The following HDAC9 variants were observed in gnomAD, a reference collection of about 807,000 sequenced individuals.
The protein encoded by HDAC9 is histone deacetylase 9.
A neutral mutation model predicts 139.4 loss-of-function variants in HDAC9; 41 were observed. That is an observed-to-expected ratio of 0.29 (90% CI 0.23 to 0.38). The LOEUF is 0.38. HDAC9 is among the 10% of genes least tolerant of loss of function. The pLI, the probability that HDAC9 is intolerant of heterozygous loss-of-function variation, is 1.00. For missense variants in HDAC9, 1,147 were observed against 1,297.0 expected, an observed-to-expected ratio of 0.88 and a Z score of 1.78; for synonymous variants, 517 against 476.2, an observed-to-expected ratio of 1.09 and a Z score of -1.12.
intron 6 of HDAC9, among the ~76,000 whole-genome samples, chr7:18,594,761 T>C (rs984383586): frequency 1.3e-5 from 2 of 152,120 alleles, no homozygotes; most frequent in African/African-American, 4.8e-5. Context: ...GATATACATA[T>C]AAATAGCATT....
chr7:18,317,867 G>A (rs540511556), intron 1 of HDAC9, among the ~76,000 whole-genome samples: 6 of 152,262 alleles, frequency 3.9e-5, no homozygotes, highest in African/African-American at 1.4e-4. Context: ...ACAGAAATCC[G>A]TGTTGCCAAA....
intron 2 of HDAC9, among the ~76,000 whole-genome samples, chr7:18,536,779 A>T (rs1187819293): frequency 6.6e-6 from 1 of 152,218 alleles, no homozygotes; most frequent in South Asian, 2.1e-4. Flanking sequence ...ATTGTATACA[A>T]CAAAAATCCT....
intron 16 of HDAC9, among the ~76,000 whole-genome samples, chr7:18,784,030 TC>T (rs1480720464): frequency 6.6e-6 from 1 of 152,016 alleles, no homozygotes; most frequent in Non-Finnish European, 1.5e-5. Context: ...TATGTCTATG[TC>T]CCCATTGTGG....
At chr7:18,264,553 A>G (rs1033839619) in intron 2 of HDAC9, among the ~76,000 whole-genome samples, 40 of 152,226 alleles carry the variant, frequency 2.6e-4, no homozygotes, top group East Asian at 1.9e-4. Context: ...CCTCATTGCC[A>G]TGATGAAATT....
chr7:18,194,363 A>G (rs1416110660), intron 2 of HDAC9, among the ~76,000 whole-genome samples: 3 of 151,916 alleles, frequency 2.0e-5, no homozygotes. Context: ...CCTTTTTTCT[A>G]TCCTATTGAA....
intron 2 of HDAC9, among the ~76,000 whole-genome samples, chr7:18,520,367 T>C (rs979844012): frequency 6.6e-6 from 1 of 152,176 alleles, no homozygotes; most frequent in Non-Finnish European, 1.5e-5. Context: ...ATAGGTTACC[T>C]GTTACTTGCA....
chr7:18,685,068 G>T (rs1423874044), intron 12 of HDAC9, among the ~76,000 whole-genome samples: 1 of 151,964 alleles, frequency 6.6e-6, no homozygotes, highest in Non-Finnish European at 1.5e-5. Flanking sequence ...TCTCTTTGAA[G>T]ATAATTTATG....
intron 20 of HDAC9, 21 bp downstream of exon 20, chr7:18,835,607 G>A (rs1174970465): frequency 6.2e-7 from 1 of 1,613,456 alleles, no homozygotes; most frequent in South Asian, 1.1e-5. Context: ...TTTCTTTAGA[G>A]CCCCACTTTT....
intron 2 of HDAC9, among the ~76,000 whole-genome samples, chr7:18,173,546 A>C (rs1034680562): frequency 6.6e-6 from 1 of 152,156 alleles, no homozygotes; most frequent in Non-Finnish European, 1.5e-5. Context: ...TCTTCCTAGC[A>C]TTGACGGTCT....
chr7:18,104,137 C>T (rs1266209058), intron 1 of HDAC9, among the ~76,000 whole-genome samples: 1 of 152,194 alleles, frequency 6.6e-6, no homozygotes, highest in Non-Finnish European at 1.5e-5. Flanking sequence ...AAACTCTATG[C>T]ACACAGTGGC....
chr7:18,248,953 A>G (rs1251223191), intron 2 of HDAC9, among the ~76,000 whole-genome samples: 1 of 152,180 alleles, frequency 6.6e-6, no homozygotes, highest in African/African-American at 2.4e-5. Flanking sequence ...TTGCTTTGTA[A>G]TTTAATCAAA....
intron 2 of HDAC9, chr7:18,505,779 C>T (rs577651881): frequency 7.9e-5 from 12 of 152,298 alleles, no homozygotes; most frequent in African/African-American, 2.9e-4. Flanking sequence ...ATTGTAAAAG[C>T]ATTATTGATT....
At chr7:18,106,145 T>C (rs1020696943) in intron 1 of HDAC9, among the ~76,000 whole-genome samples, 1 of 152,222 alleles carries the variant, frequency 6.6e-6, no homozygotes, top group Non-Finnish European at 1.5e-5. Flanking sequence ...GGCTGATGGC[T>C]GTATACCTCT....
At chr7:18,406,392 T>C (rs1788005364) in intron 1 of HDAC9, among the ~76,000 whole-genome samples, 1 of 152,132 alleles carries the variant, frequency 6.6e-6, no homozygotes, top group Non-Finnish European at 1.5e-5. Flanking sequence ...TTCTTTCTTT[T>C]TTTTTATTTT....
intron 12 of HDAC9, among the ~76,000 whole-genome samples, chr7:18,672,300 T>C (rs1795719420): frequency 6.6e-6 from 1 of 152,074 alleles, no homozygotes; most frequent in Non-Finnish European, 1.5e-5. Context: ...CATTAATGAC[T>C]AATGATGTTG....
intron 2 of HDAC9, among the ~76,000 whole-genome samples, chr7:18,252,457 C>A (rs1401602896): frequency 1.3e-5 from 2 of 152,082 alleles, no homozygotes; most frequent in South Asian, 4.1e-4. Flanking sequence ...TGAACCTATC[C>A]TATATGTAGG....
chr7:18,295,268 T>G (rs1585042652), intron 1 of HDAC9, among the ~76,000 whole-genome samples: 1 of 152,098 alleles, frequency 6.6e-6, no homozygotes, highest in Admixed American at 6.6e-5. Context: ...ACAAGAAAGT[T>G]GTAGTTTTTA....
intron 1 of HDAC9, among the ~76,000 whole-genome samples, chr7:18,401,834 T>C (rs1320424268): frequency 1.3e-5 from 2 of 152,332 alleles, no homozygotes; most frequent in African/African-American, 4.8e-5. Context: ...AGGCAGTTTC[T>C]CTGGCCCTCT....
intron 2 of HDAC9, among the ~76,000 whole-genome samples, chr7:18,169,859 T>A (rs767476192): frequency 2.6e-5 from 4 of 152,344 alleles, no homozygotes; most frequent in African/African-American, 9.6e-5. Context: ...CAGTCTATCA[T>A]TGATGGACAT....
Sources: gnomAD v4.1 joint callset for allele counts (sites outside exome capture counted in the v4.1 genomes callset) on GRCh38, gnomAD v4.1.1 for gene constraint, MANE v1.5 for transcripts, NCBI Gene and HGNC (gene_info 2026-07-23, HGNC 2026-07-21) for gene names.